HMGB1: variants seen among roughly 807,000 people sequenced by gnomAD.
HMGB1 encodes the protein high mobility group protein B1.
For missense variants in HMGB1, 79 were observed against 253.5 expected, an observed-to-expected ratio of 0.31 and a Z score of 4.67; for synonymous variants, 81 against 84.0, an observed-to-expected ratio of 0.96 and a Z score of 0.19.
Position 30,457,414 on chromosome 13 carries a change from GC to G in HMGB1, c.*3942del, listed in dbSNP as rs1259174543. 1 of 152,116 alleles carries G rather than the reference GC, an allele frequency of 6.6e-6. No individual in the cohort carries two copies. Among genetic ancestry groups the G allele is most frequent in the Non-Finnish European group, 1.5e-5 (1 of 68,014 alleles). 9.4% of individuals were successfully genotyped at this position (152,116 alleles called of 1,614,324 possible). A position where few individuals can be genotyped will look rare whatever the true frequency, so the allele number is the denominator to read the frequency against. On this transcript the variant is annotated 3_prime_UTR_variant, in exon 5 of 5. Transcript: ENST00000341423. ...TCCTACTTCCTTCTTTTCAGTGGAT[GC>G]CCAATAAATTCAACTATTTAAGCTA... is the stretch of plus-strand genomic sequence containing the variant.
chr13:30,567,136 C>T (rs1870218076), intron 1 of HMGB1, among the ~76,000 whole-genome samples: 1 of 152,188 alleles, frequency 6.6e-6, no homozygotes. Flanking sequence ...TTTCAAGAAT[C>T]AGGCAAATTG....
intron 1 of HMGB1, among the ~76,000 whole-genome samples, chr13:30,515,726 GT>G (rs1358137786): frequency 1.3e-5 from 2 of 148,868 alleles, no homozygotes; most frequent in African/African-American, 4.9e-5. Flanking sequence ...TAGAAGGGAT[GT>G]TTTTAGAAAA....
At chr13:30,500,052 G>A (rs1177238569) in intron 1 of HMGB1, among the ~76,000 whole-genome samples, 1 of 152,216 alleles carries the variant, frequency 6.6e-6, no homozygotes, top group Non-Finnish European at 1.5e-5. Flanking sequence ...ATGCCATCAG[G>A]TGAAGTGAGT....
At chr13:30,573,332 T>C (rs761312609) in intron 1 of HMGB1, among the ~76,000 whole-genome samples, 5 of 152,228 alleles carry the variant, frequency 3.3e-5, no homozygotes, top group African/African-American at 4.8e-5. Flanking sequence ...AATACTGTCA[T>C]AATTGTACAC....
intron 1 of HMGB1, 117 bp downstream of exon 1, chr13:30,465,679 C>T: frequency 2.9e-6 from 1 of 347,560 alleles, no homozygotes. Flanking sequence ...GGTCCCCCCT[C>T]ATTTGCCTTT....
Position 30,476,071 on chromosome 13 carries a change from T to C in HMGB1, c.-14-12377A>G, listed in dbSNP as rs1168365596. Among the ~76,000 whole-genome samples, 4 of 150,034 alleles carry C rather than the reference T, an allele frequency of 2.7e-5. No homozygotes were observed. The Admixed American group carries it at 2.7e-4, about 10-fold the overall frequency. On this transcript the variant is annotated intron_variant, in intron 1 of 4. Transcript: ENST00000405805. ...TATTGTCATCATACAAACCATAGAGTGGGAAACTGAGAAACAGAACTGTTG... is the reference window on the plus strand; with the variant it reads ...TATTGTCATCATACAAACCATAGAGCGGGAAACTGAGAAACAGAACTGTTG...
In HMGB1 at chr13:30,465,855, C is replaced by T. The variant is rs1298673771; in HGVS notation, c.-74G>A. On this transcript the variant is annotated 5_prime_UTR_variant, in exon 1 of 5. Coordinates refer to ENST00000341423, the MANE Select transcript of HMGB1 (RefSeq NM_002128.7). ...CGGCTCTCACTTGCCCCGGTGCTGT[C>T]TCTATGGAGCTCAATGTACTGCAAT... The T allele has an allele frequency of 1.0e-6, 1 of 985,682 alleles. No individual in the cohort carries two copies. Among genetic ancestry groups the T allele is most frequent in the African/African-American group, 1.7e-5 (1 of 57,252 alleles). The allele number at this position is 985,682 out of a possible 1,614,324, so 61.1% of individuals were successfully genotyped here.
chr13:30,548,397 C>T (rs1016701950), intron 1 of HMGB1, among the ~76,000 whole-genome samples: 1 of 152,200 alleles, frequency 6.6e-6, no homozygotes, highest in Non-Finnish European at 1.5e-5. Context: ...AATTAAACTT[C>T]TTTCCTTTAT....
intron 1 of HMGB1, among the ~76,000 whole-genome samples, chr13:30,567,371 A>G (rs1301084510): frequency 2.7e-5 from 4 of 147,834 alleles, no homozygotes; most frequent in African/African-American, 1.0e-4. Flanking sequence ...TTGAGAATGA[A>G]TCTCACTCTG....
Position 30,525,855 on chromosome 13 carries a change from G to GC in HMGB1, c.-14-62162_-14-62161insG, listed in dbSNP as rs1566015116. 3.5e-4 allele frequency among the ~76,000 whole-genome samples: 7 copies of GC among 20,246 alleles called. No individual in the cohort carries two copies. In the Admixed American group the frequency reaches 3.6e-3, roughly 10 times the overall value. The allele number at this position is 20,246 out of a possible 152,430, so 13.3% of individuals were successfully genotyped here. A position where few individuals can be genotyped will look rare whatever the true frequency, so the allele number is the denominator to read the frequency against. The stretch of plus-strand genomic sequence containing the variant: ...GGGGATTACAATTCAAGATGAGATT[G>GC]TGGGGGGACACAAAGCCTAACCATA... On this transcript the variant is annotated intron_variant, in intron 1 of 4. Coordinates refer to the HMGB1 transcript ENST00000405805.
chr13:30,538,584 CTT>C (rs1160978672), intron 1 of HMGB1, among the ~76,000 whole-genome samples: 3 of 106,910 alleles, frequency 2.8e-5, no homozygotes, highest in Non-Finnish European at 3.9e-5. Flanking sequence ...TTCTTTCTTT[CTT>C]TTTCTTTCTT....
chr13:30,611,047 G>A (rs1394188164), intron 1 of HMGB1, among the ~76,000 whole-genome samples: 3 of 152,208 alleles, frequency 2.0e-5, no homozygotes, highest in African/African-American at 7.2e-5. Flanking sequence ...CAATTTAGCT[G>A]TCAACCTAGT....
chr13:30,514,738 A>G (rs1320619578), intron 1 of HMGB1, among the ~76,000 whole-genome samples: 1 of 152,162 alleles, frequency 6.6e-6, no homozygotes, highest in Non-Finnish European at 1.5e-5. Context: ...CCTGGGCTCA[A>G]GCCATCCTCC....
chr13:30,462,994 G>A (rs1342953621), intron 3 of HMGB1, among the ~76,000 whole-genome samples: 1 of 152,186 alleles, frequency 6.6e-6, no homozygotes, highest in African/African-American at 2.4e-5. Flanking sequence ...GATACACTGG[G>A]CAAAGGAGAC....
chr13:30,492,943 G>A (rs757066172), intron 1 of HMGB1, among the ~76,000 whole-genome samples: 17 of 138,808 alleles, frequency 1.2e-4, no homozygotes, highest in Admixed American at 3.3e-4. Flanking sequence ...GTGAGCCGAG[G>A]TCTTGCCACT....
intron 1 of HMGB1, among the ~76,000 whole-genome samples, chr13:30,486,834 A>T (rs2137436637): frequency 6.6e-6 from 1 of 152,320 alleles, no homozygotes; most frequent in East Asian, 1.9e-4. Context: ...ACATTTACAA[A>T]TGCCTAAACA....
intron 1 of HMGB1, among the ~76,000 whole-genome samples, chr13:30,600,721 C>T (rs1235899505): frequency 6.6e-6 from 1 of 152,100 alleles, no homozygotes; most frequent in African/African-American, 2.4e-5. Flanking sequence ...ATTAGGGATA[C>T]TCAACTGGCT....
At chr13:30,617,011 G>C (rs527424180) in exon 1 of HMGB1, 6 of 152,364 alleles carry the variant, frequency 3.9e-5, no homozygotes, top group African/African-American at 1.4e-4. Context: ...GGCAGAAATA[G>C]CATACGCGGT....
intron 1 of HMGB1, among the ~76,000 whole-genome samples, chr13:30,482,315 T>G (rs1593268312): frequency 1.3e-5 from 2 of 152,116 alleles, no homozygotes; most frequent in East Asian, 3.8e-4. Flanking sequence ...AACAAAAACC[T>G]ACACACAAAA....
Sources: allele counts gnomAD v4.1 joint callset (sites outside exome capture counted in the v4.1 genomes callset), GRCh38; gene constraint gnomAD v4.1.1; transcripts MANE v1.5; gene names NCBI Gene and HGNC (gene_info 2026-07-23, HGNC 2026-07-21).